The following KIF26A variants were observed in gnomAD, a reference collection of about 807,000 sequenced individuals.
The protein encoded by KIF26A is kinesin family member 26A.
A neutral mutation model predicts 126.0 loss-of-function variants in KIF26A; 74 were observed. That is an observed-to-expected ratio of 0.59 (90% CI 0.49 to 0.71). The LOEUF is 0.71. KIF26A is among the 30% of genes least tolerant of loss of function. The pLI is 0.00. For missense variants in KIF26A, 2,984 were observed against 2,763.3 expected (o/e 1.08, Z -1.79); for synonymous variants, 1,445 against 1,232.7 (o/e 1.17, Z -3.61).
Position 104,171,872 on chromosome 14 carries a change from C to G in KIF26A, c.1263C>G (p.Ala421=). The change falls in exon 6 of 15, where the codon GCC becomes GCG. Residue 421 remains alanine, a synonymous_variant. Coordinates refer to ENST00000423312, the MANE Select transcript of KIF26A (RefSeq NM_015656.2). ...GPPGSAGPRR[A]ATAAVPKMFA... The stretch of plus-strand genomic sequence containing the variant: ...CAGGCAGCGCAGGCCCCCGGCGAGC[C>G]GCCACTGCTGCAGTTCCCAAGATGT... 1 of 1,558,048 alleles carries G rather than the reference C, an allele frequency of 6.4e-7. No individual in the cohort carries two copies. The highest frequency in any genetic ancestry group is 8.7e-7 in the Non-Finnish European group (1 of 1,151,832).
intron 3 of KIF26A, among the ~76,000 whole-genome samples, chr14:104,157,244 A>G (rs546957253): frequency 6.6e-6 from 1 of 152,314 alleles, no homozygotes; most frequent in South Asian, 2.1e-4. Flanking sequence ...ATGCCAGGGT[A>G]GTATTTCAGA....
At chr14:104,157,094 C>T (rs959782403) in intron 3 of KIF26A, among the ~76,000 whole-genome samples, 4 of 152,116 alleles carry the variant, frequency 2.6e-5, no homozygotes, top group Non-Finnish European at 5.9e-5. Flanking sequence ...CCTGAGGGTT[C>T]GGGGTCCCAC....
chr14:104,169,378 G>A (rs930889655), intron 5 of KIF26A, among the ~76,000 whole-genome samples: 2 of 152,222 alleles, frequency 1.3e-5, no homozygotes, highest in Non-Finnish European at 2.9e-5. Flanking sequence ...AGCGCCCCGC[G>A]TTTCTTAGGG....
intron 5 of KIF26A, among the ~76,000 whole-genome samples, chr14:104,170,441 GA>G (rs2037945897): frequency 6.6e-6 from 1 of 152,246 alleles, no homozygotes; most frequent in Non-Finnish European, 1.5e-5. Context: ...TGCCCAGGGG[GA>G]GTAGGTGCCG....
In KIF26A at chr14:104,139,277, A is replaced by G; in HGVS notation, c.277A>G (p.Thr93Ala). The G allele has an allele frequency of 6.6e-7, 1 of 1,516,138 alleles. No individual in the cohort carries two copies. The highest frequency in any genetic ancestry group is 2.5e-5 in the East Asian group (1 of 39,226). 93.9% of individuals were successfully genotyped at this position (1,516,138 alleles called of 1,614,324 possible). ...GTGGAAGCTGGTCAGCGGGCCCGGG[A>G]CCACCCTCCGGGTAAGTGACACTTC... ...QAWKLVSGPG[T>A]TLRDPCLSAL... is the part of the protein sequence containing the mutation. The change falls in exon 2 of 15, where the codon ACC (threonine) becomes GCC (alanine). Residue 93 changes from threonine to alanine, a missense_variant. Physicochemically the swap from Thr to Ala is moderately conservative, Grantham distance 58 (BLOSUM62 0). Coordinates refer to ENST00000423312, the MANE Select transcript of KIF26A (RefSeq NM_015656.2).
Position 104,178,610 on chromosome 14 carries a change from A to C in KIF26A, c.5171A>C (p.Lys1724Thr). 6.5e-7 allele frequency: 1 copy of C among 1,546,500 alleles called. No homozygotes were observed. The highest frequency in any genetic ancestry group is 8.7e-7 in the Non-Finnish European group (1 of 1,146,024). The change falls in exon 13 of 15, where the codon AAG (lysine) becomes ACG (threonine). Residue 1724 changes from lysine (K) to threonine (T), a missense_variant. Lys to Thr is a moderately conservative substitution (Grantham distance 78). Transcript: ENST00000423312. ...CCCGACACCACTGCCCTGGGCCGTA[A>C]GCCCAGCCTCCCCGGGCAGTGGGTG... ...PLPDTTALGR[K>T]PSLPGQWVDL...
rs61746959 is a variant in KIF26A, at chr14:104,176,371, G to C, written c.3583G>C (p.Gly1195Arg). ...CCGACCCGGCAGGGAGCCCCAGGCC[G>C]GGCCCTCGCGGTGGGCATCCGCAGC... The part of the protein sequence containing the change: ...PSRPGREPQA[G>R]PSRWASAAQT... The change falls in exon 12 of 15, where the codon GGG becomes CGG. Residue 1195 changes from glycine (G) to arginine (R), a missense_variant. Gly to Arg is a moderately radical substitution (Grantham distance 125, BLOSUM62 -2). Transcript: ENST00000423312. 2.9e-5 allele frequency: 46 copies of C among 1,583,030 alleles called. No individual in the cohort carries two copies. The highest frequency in any genetic ancestry group is 1.3e-5 in the Non-Finnish European group (15 of 1,162,060).
chr14:104,179,731 T>G lies in KIF26A; in HGVS notation c.5590T>G (p.Phe1864Val). Residue 1864 changes from phenylalanine (F) to valine (V), a missense_variant, in exon 15 of 15, where the codon TTC becomes GTC. Transcript: ENST00000423312. The stretch of plus-strand genomic sequence containing the variant: ...GGCGCACGTCATGATGGTCACCTGC[T>G]TCGACATCAGCGTTGCAGCCAGTGC... ...CKAHVMMVTC[F>V]DISVAASAAI... 6.4e-7 allele frequency: 1 copy of G among 1,554,374 alleles called. No individual in the cohort carries two copies. The highest frequency in any genetic ancestry group is 8.7e-7 in the Non-Finnish European group (1 of 1,149,532).
chr14:104,157,446 A>C (rs922453382), intron 3 of KIF26A, among the ~76,000 whole-genome samples: 5 of 151,978 alleles, frequency 3.3e-5, no homozygotes, highest in Admixed American at 3.3e-4. Context: ...GAGAGGCGGA[A>C]AGTCTGGCTT....
chr14:104,140,715 C>G (rs2037629711), intron 2 of KIF26A, among the ~76,000 whole-genome samples: 1 of 152,002 alleles, frequency 6.6e-6, no homozygotes, highest in Non-Finnish European at 1.5e-5. Flanking sequence ...TTGGTCTCTT[C>G]TGGCAGACAG....
In KIF26A at chr14:104,164,646, C is replaced by T. The variant is rs139380379; in HGVS notation, c.924-2213C>T. ...GCACAGCCAGGGCTCAGAGGCGCGG[C>T]GGGCCTGTACTCTGTGTGTGTGCCT... On this transcript the variant is annotated intron_variant, in intron 4 of 14. Coordinates refer to ENST00000423312, the MANE Select transcript of KIF26A (RefSeq NM_015656.2). 4.7e-4 allele frequency among the ~76,000 whole-genome samples: 72 copies of T among 152,180 alleles called. No individual in the cohort carries two copies. In the East Asian group the frequency reaches 0.013, roughly 27 times the overall value.
At chr14:104,157,704 G>A in intron 3 of KIF26A, 51 bp from the exon 4 acceptor site, 15 of 1,564,628 alleles carry the variant, frequency 9.6e-6, no homozygotes, top group Non-Finnish European at 1.3e-5. Flanking sequence ...CCAGGGGGCA[G>A]TGGTGTCTCT....
Position 104,176,173 on chromosome 14 carries a change from C to A in KIF26A, c.3385C>A (p.Pro1129Thr). Residue 1129 changes from proline to threonine, a missense_variant, in exon 12 of 15, where the codon CCG (proline) becomes ACG (threonine). Pro to Thr is a conservative substitution (Grantham distance 38). Transcript: ENST00000423312. Reference protein sequence around the residue: ...VCTADSRDPTPQPRFSPDSLA... With the variant: ...VCTADSRDPTTQPRFSPDSLA... ...CACTGCCGACAGCCGTGACCCCACG[C>A]CGCAGCCCCGCTTCAGCCCCGACTC... 6.3e-7 allele frequency: 1 copy of A among 1,593,474 alleles called. No individual in the cohort carries two copies. The highest frequency in any genetic ancestry group is 2.3e-5 in the East Asian group (1 of 43,842).
intron 2 of KIF26A, among the ~76,000 whole-genome samples, chr14:104,147,779 G>T (rs1216130795): frequency 6.6e-6 from 1 of 152,224 alleles, no homozygotes; most frequent in Non-Finnish European, 1.5e-5. Flanking sequence ...GAAAGGGAGG[G>T]CAAGATCTGG....
chr14:104,157,934 C>T lies in KIF26A; in HGVS notation c.915C>T (p.Phe305=), dbSNP rs2037797616. 2 of 1,512,696 alleles carry T rather than the reference C, an allele frequency of 1.3e-6. No homozygotes were observed. Among genetic ancestry groups the T allele is most frequent in the East Asian group, 2.4e-5 (1 of 41,236 alleles). The allele number at this position is 1,512,696 out of a possible 1,614,324, so 93.7% of individuals were successfully genotyped here. A position where few individuals can be genotyped will look rare whatever the true frequency, so the allele number is the denominator to read the frequency against. Residue 305 remains phenylalanine (F), a synonymous_variant, in exon 4 of 15, where the codon TTC becomes TTT. Coordinates refer to ENST00000423312, the MANE Select transcript of KIF26A (RefSeq NM_015656.2). ...CAGGCCCCTCAGCTGCAGCCTCCTT[C>T]TTCATAAGGTATGTCCTGGGGCTTC... ...GSTGPSAAAS[F]FIRAMQKLSL...
chr14:104,170,103 G>A (rs542366473), intron 5 of KIF26A, among the ~76,000 whole-genome samples: 8 of 152,188 alleles, frequency 5.3e-5, no homozygotes, highest in Non-Finnish European at 7.3e-5. Flanking sequence ...GGCAGACGTA[G>A]AGAGCCAAAC....
rs2497297 is a variant in KIF26A at position 104,177,762 on chromosome 14, T to C, written c.4974T>C (p.Ser1658=). The C allele has an allele frequency of 0.37, 569,659 of 1,545,772 alleles. 107,154 individuals are homozygous for C. Among genetic ancestry groups the C allele is most frequent in the African/African-American group, 0.55 (40,210 of 73,416 alleles). Residue 1658 remains serine (S), a synonymous_variant, in exon 12 of 15, where the codon AGT becomes AGC. Transcript: ENST00000423312. ...TALFHHSGGS[S]GYESLRRDSE... is the part of the protein sequence containing the mutation. The stretch of plus-strand genomic sequence containing the variant: ...TTTTCCACCACAGCGGTGGCAGCAG[T>C]GGCTATGAGAGCCTGCGGCGCGACA...
chr14:104,148,137 G>C lies in KIF26A; in HGVS notation c.289-3878G>C, dbSNP rs2037696238. 6.6e-6 allele frequency among the ~76,000 whole-genome samples: 1 copy of C among 152,184 alleles called. No homozygotes were observed. The highest frequency in any genetic ancestry group is 2.4e-5 in the African/African-American group (1 of 41,444). Reference sequence around the variant, plus strand: ...AGTGACGGGGAGCGGGGAGTCCCCGGTAAAGTCCCCCGGGCCTCACACGCA... The same window carrying C: ...AGTGACGGGGAGCGGGGAGTCCCCGCTAAAGTCCCCCGGGCCTCACACGCA... On this transcript the variant is annotated intron_variant, in intron 2 of 14. Coordinates refer to ENST00000423312, the MANE Select transcript of KIF26A (RefSeq NM_015656.2). This position sits in a 1 kb window ranked among gnomAD's most constrained non-coding sequence, Gnocchi z 4.3.
intron 2 of KIF26A, among the ~76,000 whole-genome samples, chr14:104,143,338 T>C (rs2141088644): frequency 6.6e-6 from 1 of 152,340 alleles, no homozygotes; most frequent in South Asian, 2.1e-4. Context: ...TCAGTTGTCA[T>C]GGTCTGAGGC....
Sources: gnomAD v4.1 joint callset for allele counts (sites outside exome capture counted in the v4.1 genomes callset) on GRCh38, gnomAD v4.1.1 for gene constraint, Gnocchi (gnomAD v3.1) non-coding constraint, MANE v1.5 for transcripts, NCBI Gene and HGNC (gene_info 2026-07-23, HGNC 2026-07-21) for gene names.